ELAVL2: variants seen among roughly 807,000 people sequenced by gnomAD.
ELAVL2 encodes the protein ELAV like RNA binding protein 2, also known as ELAV-like protein 2.
ELAVL2 carries 4 observed loss-of-function variants against 34.6 expected under a neutral mutation model. That is an observed-to-expected ratio of 0.12 (90% CI 0.06 to 0.26). The LOEUF (loss-of-function observed/expected upper bound fraction) is 0.26, where lower values mean the gene tolerates loss of function less well. Among genes scored for constraint, ELAVL2 ranks in the 10% least tolerant of loss-of-function variants. The pLI, the probability that ELAVL2 is intolerant of heterozygous loss-of-function variation, is 1.00. For synonymous variants in ELAVL2, 193 were observed against 154.8 expected (o/e 1.25, Z -1.83); for missense variants, 432 against 442.8 (o/e 0.98, Z 0.22).
In ELAVL2 at chr9:23,820,323, T is replaced by C. The variant is rs2064381396; in HGVS notation, c.-16+5483A>G. Among the ~76,000 whole-genome samples the C allele has an allele frequency of 4.6e-5, 7 of 152,192 alleles. No homozygotes were observed. The South Asian group carries it at 1.0e-3, about 23-fold the overall frequency. On this transcript the variant is annotated intron_variant, in intron 1 of 6. Transcript: ENST00000397312. ...GAAGAATTATTAGGAATAGGGCCAC[T>C]AGAAAATTAAGTTTTAAAAGCGCTT...
At position 23,691,752 on chromosome 9, in the gene ELAVL2, T is replaced by A. The variant is rs1563876873; in HGVS notation, c.*805A>T. 1.3e-5 allele frequency: 2 copies of A among 152,584 alleles called. No individual in the cohort carries two copies. The highest frequency in any genetic ancestry group is 2.9e-5 in the Non-Finnish European group (2 of 67,998). 9.5% of individuals were successfully genotyped at this position (152,584 alleles called of 1,614,324 possible). The stretch of plus-strand genomic sequence containing the variant: ...AAGTATTTTCTACACCATAAATCTT[T>A]CTAAATTTTCCAACCGCTGCAAATT... On this transcript the variant is annotated 3_prime_UTR_variant, in exon 7 of 7. Transcript: ENST00000397312.
Position 23,692,578 on chromosome 9 carries a change from T to C in ELAVL2, c.1059A>G (p.Thr353=). Reference sequence around the variant, plus strand: ...CTCATTAGGCTTTGTGCGTTTTGTTTGTCTTAAAGGAGACCTGCAGTACTC... The same window carrying C: ...CTCATTAGGCTTTGTGCGTTTTGTTCGTCTTAAAGGAGACCTGCAGTACTC... ...GDRVLQVSFK[T]NKTHKA The change falls in exon 7 of 7, where the codon ACA becomes ACG. Residue 353 remains threonine, a synonymous_variant. Transcript: ENST00000397312. 1.2e-6 allele frequency: 2 copies of C among 1,612,636 alleles called. No individual in the cohort carries two copies. The highest frequency in any genetic ancestry group is 1.7e-6 in the Non-Finnish European group (2 of 1,178,786).
At chr9:23,776,794 C>T (rs1053462316) in intron 1 of ELAVL2, among the ~76,000 whole-genome samples, 2 of 149,094 alleles carry the variant, frequency 1.3e-5, no homozygotes, top group African/African-American at 4.9e-5. Flanking sequence ...ATGGAAACTA[C>T]CACTTCTAAC....
chr9:23,692,747 C>G lies in ELAVL2; in HGVS notation c.890G>C (p.Gly297Ala). The G allele has an allele frequency of 6.2e-7, 1 of 1,614,116 alleles. No individual in the cohort carries two copies. The highest frequency in any genetic ancestry group is 8.5e-7 in the Non-Finnish European group (1 of 1,180,000). Residue 297 changes from glycine (G) to alanine (A), a missense_variant, in exon 7 of 7, where the codon GGG (glycine) becomes GCG (alanine). By Grantham distance (60) the Gly-to-Ala change is moderately conservative (BLOSUM62 0). This residue lies in a region of ELAVL2 where 295 missense variants were observed against 306.1 expected (regional missense o/e 0.96). Transcript: ENST00000397312. ...ADESILWQMF[G>A]PFGAVTNVKV... is the part of the protein sequence containing the mutation. ...CACATTGGTGACAGCTCCAAAAGGC[C>G]CAAACATTTGCCACAGGATACTCTC...
the ELAVL2 span, among the ~76,000 whole-genome samples, chr9:23,836,237 G>A: frequency 6.6e-6 from 1 of 152,180 alleles, no homozygotes; most frequent in Non-Finnish European, 1.5e-5. Context: ...TGCTTGAAAT[G>A]TCAGTTTTTG....
At chr9:23,732,130 G>C (rs558307865) in intron 2 of ELAVL2, among the ~76,000 whole-genome samples, 2 of 152,296 alleles carry the variant, frequency 1.3e-5, no homozygotes, top group Non-Finnish European at 2.9e-5. Context: ...CGATTTCCCA[G>C]ATGCCCAAGG....
chr9:23,814,880 A>C (rs2063499170), intron 1 of ELAVL2, among the ~76,000 whole-genome samples: 2 of 152,138 alleles, frequency 1.3e-5, no homozygotes, highest in African/African-American at 4.8e-5. Flanking sequence ...TCCCATCCTT[A>C]CCCAATTCAC....
chr9:23,836,515 T>C, the ELAVL2 span, among the ~76,000 whole-genome samples: 3 of 152,202 alleles, frequency 2.0e-5, no homozygotes, highest in Non-Finnish European at 4.4e-5. Flanking sequence ...TGTGTCTCCA[T>C]ATTAGTCATA....
chr9:23,756,466 C>A (rs1293814554), intron 2 of ELAVL2, among the ~76,000 whole-genome samples: 1 of 152,100 alleles, frequency 6.6e-6, no homozygotes, highest in Non-Finnish European at 1.5e-5. Context: ...AGGTCTTCCA[C>A]CAACTACTCC....
At position 23,746,072 on chromosome 9, in the gene ELAVL2, A is replaced by G. The variant is rs1357203161; in HGVS notation, c.230-14947T>C. On this transcript the variant is annotated intron_variant, in intron 2 of 6. Coordinates refer to ENST00000397312, the MANE Select transcript of ELAVL2 (RefSeq NM_004432.5). ...CTTCACTGCACCTACTATTTTCAAA[A>G]TTAAATTCAAACTTTGCTTTCCTCC... 3.9e-5 allele frequency among the ~76,000 whole-genome samples: 6 copies of G among 152,304 alleles called. No homozygotes were observed. In the East Asian group the frequency reaches 1.2e-3, roughly 29 times the overall value.
At chr9:23,815,684 A>G (rs1037726260) in intron 1 of ELAVL2, among the ~76,000 whole-genome samples, 9 of 152,280 alleles carry the variant, frequency 5.9e-5, no homozygotes, top group Middle Eastern at 3.4e-3. Context: ...AACCAAGGAT[A>G]TAAGTAATTA....
At chr9:23,755,050 C>G (rs2053203052) in intron 2 of ELAVL2, among the ~76,000 whole-genome samples, 1 of 152,166 alleles carries the variant, frequency 6.6e-6, no homozygotes, top group South Asian at 2.1e-4. Context: ...TCCTATTCCG[C>G]AAAGTCCAAA....
Position 23,692,461 on chromosome 9 carries a change from C to A in ELAVL2, c.*96G>T, listed in dbSNP as rs541241406. 2.2e-5 allele frequency: 29 copies of A among 1,307,852 alleles called. No individual in the cohort carries two copies. The highest frequency in any genetic ancestry group is 8.3e-5 in the Admixed American group (3 of 36,332). 81.0% of individuals were successfully genotyped at this position (1,307,852 alleles called of 1,614,324 possible). On this transcript the variant is annotated 3_prime_UTR_variant, in exon 7 of 7. Transcript: ENST00000397312. ...TAGTCATTTTATCCCCATCTCAACACTGACTTACAAAGACATTTACTAATG... is the reference window on the plus strand; with the variant it reads ...TAGTCATTTTATCCCCATCTCAACAATGACTTACAAAGACATTTACTAATG...
At chr9:23,772,490 T>G (rs1419997269) in intron 1 of ELAVL2, among the ~76,000 whole-genome samples, 1 of 103,152 alleles carries the variant, frequency 9.7e-6, no homozygotes, top group Non-Finnish European at 1.9e-5. Context: ...GACTTAGAGA[T>G]AGAAAACCAA....
chr9:23,693,397 A>T, intron 6 of ELAVL2, 51 bp downstream of exon 6: 1 of 1,609,678 alleles, frequency 6.2e-7, no homozygotes, highest in Non-Finnish European at 8.5e-7. Context: ...AATCAAAGAA[A>T]CCAATCAACT....
the ELAVL2 span, among the ~76,000 whole-genome samples, chr9:23,847,679 C>T: frequency 1.3e-5 from 2 of 151,916 alleles, no homozygotes; most frequent in Admixed American, 1.3e-4. Flanking sequence ...GGTAAGTGTA[C>T]TTTTACATTT....
chr9:23,784,304 C>T (rs751185140), intron 1 of ELAVL2, among the ~76,000 whole-genome samples: 1 of 152,082 alleles, frequency 6.6e-6, no homozygotes, highest in Non-Finnish European at 1.5e-5. Context: ...AAGAATAAAG[C>T]TAATGTTTAG....
chr9:23,829,029 C>A (rs575849487), upstream of ELAVL2, among the ~76,000 whole-genome samples: 1 of 152,268 alleles, frequency 6.6e-6, no homozygotes, highest in Non-Finnish European at 1.5e-5. Flanking sequence ...CCTTTTCACT[C>A]ATAGTTTGGT....
At chr9:23,818,320 T>C (rs1332644145) in intron 1 of ELAVL2, among the ~76,000 whole-genome samples, 1 of 152,180 alleles carries the variant, frequency 6.6e-6, no homozygotes, top group Non-Finnish European at 1.5e-5. Context: ...CAGGAAAAGC[T>C]ACGTAATCTG....
Sources: gnomAD v4.1 joint callset for allele counts (sites outside exome capture counted in the v4.1 genomes callset) on GRCh38, gnomAD v4.1.1 for gene constraint, gnomAD v4.1.1 regional missense constraint, MANE v1.5 for transcripts, NCBI Gene and HGNC (gene_info 2026-07-23, HGNC 2026-07-21) for gene names.